The following SCN9A variants were observed in gnomAD, a reference collection of about 807,000 sequenced individuals.
SCN9A encodes the protein sodium voltage-gated channel alpha subunit 9, also known as sodium channel protein type 9 subunit alpha.
A neutral mutation model predicts 187.0 loss-of-function variants in SCN9A; 131 were observed. The observed-to-expected ratio is 0.70, with a 90% confidence interval of 0.61 to 0.81. The LOEUF is 0.81. Ranked by LOEUF, SCN9A falls within the 30% of genes least tolerant of loss-of-function variation. The pLI is 0.00. For synonymous variants in SCN9A, 809 were observed against 808.6 expected (o/e 1.00, Z -0.01); for missense variants, 2,252 against 2,396.6 (o/e 0.94, Z 1.26).
chr2:166,288,096 TATA>T (rs1697861568), intron 10 of SCN9A, among the ~76,000 whole-genome samples: 3 of 28,484 alleles, frequency 1.1e-4, no homozygotes, highest in East Asian at 2.9e-3. Context: ...CATGTGTTTA[TATA>T]TATATATATA....
intron 18 of SCN9A, among the ~76,000 whole-genome samples, chr2:166,247,105 G>C (rs1283675828): frequency 2.1e-5 from 3 of 143,272 alleles, no homozygotes; most frequent in Non-Finnish European, 4.5e-5. Context: ...GTGCTCTCAT[G>C]GTGCATTACA....
chr2:166,330,687 T>G (rs1699479793), intron 1 of SCN9A, among the ~76,000 whole-genome samples: 1 of 152,196 alleles, frequency 6.6e-6, no homozygotes, highest in South Asian at 2.1e-4. Flanking sequence ...CCACTTCAGA[T>G]GATCAGGCAT....
rs770546932 is a variant in SCN9A, at chr2:166,281,771, C to G, written c.2012G>C (p.Ser671Thr). ...TNQIHKKRRC[S>T]SYLLSEDMLN... ...CATATCCTCTGAAAGGAGATAGGAA[C>G]TACAACGCCTTTTCTTGTGTATTTG... Residue 671 changes from serine (S) to threonine (T), a missense_variant, in exon 13 of 27, where the codon AGT becomes ACT. Transcript: ENST00000642356. 5 of 1,613,010 alleles carry G rather than the reference C, an allele frequency of 3.1e-6. No homozygotes were observed. The highest frequency in any genetic ancestry group is 1.3e-5 in the African/African-American group (1 of 74,956).
intron 21 of SCN9A, among the ~76,000 whole-genome samples, chr2:166,231,527 G>C (rs916793314): frequency 6.6e-6 from 1 of 150,498 alleles, no homozygotes; most frequent in Admixed American, 6.7e-5. Context: ...CAGTAGGTCT[G>C]GGGTGAGATC....
intron 24 of SCN9A, among the ~76,000 whole-genome samples, chr2:166,205,436 T>C (rs575526009): frequency 6.6e-6 from 1 of 152,292 alleles, no homozygotes; most frequent in South Asian, 2.1e-4. Flanking sequence ...TAATAAATGA[T>C]GCTGGGAAAA....
At chr2:166,334,543 G>C (rs1041030827) in intron 1 of SCN9A, among the ~76,000 whole-genome samples, 4 of 151,964 alleles carry the variant, frequency 2.6e-5, no homozygotes, top group Admixed American at 2.0e-4. Context: ...ATTTCTTGTT[G>C]TTTCTGAAGA....
intron 17 of SCN9A, among the ~76,000 whole-genome samples, chr2:166,257,361 A>G (rs1004959252): frequency 6.6e-6 from 1 of 151,712 alleles, no homozygotes; most frequent in Non-Finnish European, 1.5e-5. Flanking sequence ...TGACAAACAC[A>G]AAGTAAGCTA....
intron 24 of SCN9A, among the ~76,000 whole-genome samples, chr2:166,216,918 T>C (rs1228142754): frequency 1.3e-5 from 2 of 152,044 alleles, no homozygotes; most frequent in Non-Finnish European, 2.9e-5. Context: ...AGATGCTAAA[T>C]GGCCAAAGCA....
In SCN9A at chr2:166,280,326, A is replaced by G. The variant is rs200524103; in HGVS notation, c.2343+31T>C. The G allele has an allele frequency of 1.1e-4, 132 of 1,186,318 alleles. 1 individual carries two copies. In the African/African-American group the frequency reaches 1.6e-3, roughly 14 times the overall value. 73.5% of individuals were successfully genotyped at this position (1,186,318 alleles called of 1,614,324 possible). A position where few individuals can be genotyped will look rare whatever the true frequency, so the allele number is the denominator to read the frequency against. Reference sequence around the variant, plus strand: ...ATGATGACAACTAAAAAGAGAAACTATGAGTACATAACACACAATAAGAGA... The same window carrying G: ...ATGATGACAACTAAAAAGAGAAACTGTGAGTACATAACACACAATAAGAGA... On this transcript the variant is annotated intron_variant, in intron 14 of 26. Coordinates refer to ENST00000642356, the MANE Select transcript of SCN9A (RefSeq NM_001365536.1).
chr2:166,372,943 T>C (rs1204536881), intron 1 of SCN9A, among the ~76,000 whole-genome samples: 1 of 152,180 alleles, frequency 6.6e-6, no homozygotes, highest in East Asian at 1.9e-4. Flanking sequence ...ACAAGCAGTA[T>C]GAAAGAAACA....
chr2:166,269,802 TAAG>T (rs1696896838), intron 17 of SCN9A, among the ~76,000 whole-genome samples: 1 of 152,100 alleles, frequency 6.6e-6, no homozygotes, highest in Admixed American at 6.6e-5. Context: ...TCATAAATGT[TAAG>T]AAATAATTTC....
intron 17 of SCN9A, among the ~76,000 whole-genome samples, chr2:166,258,153 T>G (rs1195033974): frequency 1.3e-5 from 2 of 151,516 alleles, no homozygotes; most frequent in African/African-American, 4.8e-5. Flanking sequence ...TGGCAGAGAT[T>G]CCTGCCCCCA....
intron 26 of SCN9A, 30 bp downstream of exon 26, chr2:166,203,925 A>C: frequency 7.2e-7 from 1 of 1,388,746 alleles, no homozygotes; most frequent in South Asian, 1.3e-5. Flanking sequence ...TTTACTCAAA[A>C]AATAAAATCT....
intron 8 of SCN9A, among the ~76,000 whole-genome samples, chr2:166,293,870 C>G (rs979081765): frequency 2.0e-5 from 3 of 152,140 alleles, no homozygotes; most frequent in Non-Finnish European, 2.9e-5. Flanking sequence ...AAATGTGCAG[C>G]TTTAAGACTT....
chr2:166,286,406 C>G lies in SCN9A; in HGVS notation c.1532G>C (p.Arg511Thr). ...SKSESEDSIR[R>T]KSFHLGVEGH... ...TTCGACACCAAGGTGGAAACTTTTT[C>G]TTCTGATGCTGTCCTCTGATTCTGA... The change falls in exon 11 of 27, where the codon AGA becomes ACA. Residue 511 changes from arginine (R) to threonine (T), a missense_variant. Physicochemically the swap from Arg to Thr is moderately conservative, Grantham distance 71. Coordinates refer to ENST00000642356, the MANE Select transcript of SCN9A (RefSeq NM_001365536.1). 1 of 1,613,832 alleles carries G rather than the reference C, an allele frequency of 6.2e-7. No homozygotes were observed. Among genetic ancestry groups the G allele is most frequent in the Non-Finnish European group, 8.5e-7 (1 of 1,179,814 alleles).
At chr2:166,262,833 G>T (rs1435846540) in intron 17 of SCN9A, among the ~76,000 whole-genome samples, 5 of 151,972 alleles carry the variant, frequency 3.3e-5, no homozygotes. Context: ...TTATCCGTGT[G>T]TGTGTGCGTG....
intron 20 of SCN9A, among the ~76,000 whole-genome samples, chr2:166,236,213 A>C (rs1299358424): frequency 6.6e-6 from 1 of 152,156 alleles, no homozygotes; most frequent in Non-Finnish European, 1.5e-5. Flanking sequence ...TTTAGGCAGT[A>C]ACTAGATAAC....
At chr2:166,340,566 C>CTTTCTTTT (rs1485103979) in intron 1 of SCN9A, among the ~76,000 whole-genome samples, 5 of 69,104 alleles carry the variant, frequency 7.2e-5, no homozygotes, top group Non-Finnish European at 1.3e-4. Context: ...TTCTTTCTTT[C>CTTTCTTTT]TTTCTTTCTT....
At chr2:166,274,730 T>A (rs540498597) in intron 16 of SCN9A, among the ~76,000 whole-genome samples, 1 of 152,182 alleles carries the variant, frequency 6.6e-6, no homozygotes, top group Non-Finnish European at 1.5e-5. Context: ...TCTACACGAA[T>A]GAAACACTCA....
Sources: allele counts gnomAD v4.1 joint callset (sites outside exome capture counted in the v4.1 genomes callset), GRCh38; gene constraint gnomAD v4.1.1; transcripts MANE v1.5; gene names NCBI Gene and HGNC (gene_info 2026-07-23, HGNC 2026-07-21).